The following INPP4A variants were observed in gnomAD, a reference collection of about 807,000 sequenced individuals.
INPP4A encodes inositol polyphosphate-4-phosphatase type I A, also known as inositol polyphosphate-4-phosphatase, type I, 107kD.
In INPP4A, 33 loss-of-function variants were observed where a neutral mutation model predicts 119.8. That is an observed-to-expected ratio of 0.28 (90% CI 0.21 to 0.37). The LOEUF is 0.37. Among genes scored for constraint, INPP4A ranks in the 10% least tolerant of loss-of-function variants. The pLI is 1.00. For synonymous variants in INPP4A, 496 were observed against 500.7 expected, an observed-to-expected ratio of 0.99 and a Z score of 0.12; for missense variants, 956 against 1,289.9, an observed-to-expected ratio of 0.74 and a Z score of 3.97.
chr2:98,538,809 A>G, intron 8 of INPP4A, 82 bp from the exon 9 acceptor site: 1 of 789,732 alleles, frequency 1.3e-6, no homozygotes, highest in Admixed American at 2.0e-5. Flanking sequence ...GTTATGATGT[A>G]TTTAGGCCAC....
chr2:98,517,089 C>A (rs1395414572), intron 1 of INPP4A, among the ~76,000 whole-genome samples: 1 of 152,070 alleles, frequency 6.6e-6, no homozygotes, highest in African/African-American at 2.4e-5. Context: ...GCCCTCTCAC[C>A]CTCCCCAGTC....
chr2:98,487,322 TGTGA>T (rs1432557309), intron 1 of INPP4A, among the ~76,000 whole-genome samples: 5 of 152,240 alleles, frequency 3.3e-5, no homozygotes, highest in Admixed American at 6.5e-5. Context: ...TCCTTGTGGT[TGTGA>T]GTTTCTCAGA....
chr2:98,453,957 A>G (rs1695653814), intron 1 of INPP4A, among the ~76,000 whole-genome samples: 1 of 152,150 alleles, frequency 6.6e-6, no homozygotes, highest in African/African-American at 2.4e-5. Flanking sequence ...AAATACAAAA[A>G]TTAGCTGGGT....
chr2:98,465,666 A>G (rs1674592729), intron 1 of INPP4A, among the ~76,000 whole-genome samples: 1 of 151,726 alleles, frequency 6.6e-6, no homozygotes, highest in African/African-American at 2.4e-5. Flanking sequence ...CCTCTCCCAG[A>G]CTCTGGGGTA....
chr2:98,477,432 G>T (rs911901471), intron 1 of INPP4A, among the ~76,000 whole-genome samples: 2 of 152,218 alleles, frequency 1.3e-5, no homozygotes, highest in Middle Eastern at 3.2e-3. Flanking sequence ...TTCCTGACCC[G>T]TTTCCAGATT....
chr2:98,502,430 A>C (rs1203658263), intron 1 of INPP4A, among the ~76,000 whole-genome samples: 1 of 152,082 alleles, frequency 6.6e-6, no homozygotes, highest in African/African-American at 2.4e-5. Context: ...TTTCCCAGCT[A>C]CCAAGAGTGT....
chr2:98,481,973 C>T (rs928411052), intron 1 of INPP4A, among the ~76,000 whole-genome samples: 4 of 152,208 alleles, frequency 2.6e-5, no homozygotes, highest in Non-Finnish European at 1.5e-5. Flanking sequence ...CTTAACAACT[C>T]AACACTGTGT....
intron 21 of INPP4A, among the ~76,000 whole-genome samples, chr2:98,567,894 A>G (rs1045334709): frequency 3.3e-5 from 5 of 152,190 alleles, no homozygotes; most frequent in Non-Finnish European, 7.4e-5. Flanking sequence ...CTCGGGCCAC[A>G]GAGAAGCTGA....
intron 1 of INPP4A, among the ~76,000 whole-genome samples, chr2:98,482,347 A>G (rs561852311): frequency 4.1e-4 from 62 of 152,342 alleles, no homozygotes; most frequent in Admixed American, 3.9e-3. Context: ...TATCTTGGCC[A>G]GCTGTGGTTT....
chr2:98,502,472 T>A (rs1558958512), intron 1 of INPP4A, among the ~76,000 whole-genome samples: 1 of 152,170 alleles, frequency 6.6e-6, no homozygotes, highest in Non-Finnish European at 1.5e-5. Context: ...CATAGAGATT[T>A]TAATTAGCTT....
intron 1 of INPP4A, among the ~76,000 whole-genome samples, chr2:98,477,019 TGG>T (rs1421559875): frequency 1.3e-5 from 2 of 151,210 alleles, no homozygotes; most frequent in Non-Finnish European, 2.9e-5. Context: ...TTAGCAGGAG[TGG>T]TAGTAGTAAT....
At chr2:98,455,012 C>G (rs1695874133) in intron 1 of INPP4A, among the ~76,000 whole-genome samples, 1 of 152,046 alleles carries the variant, frequency 6.6e-6, no homozygotes, top group Non-Finnish European at 1.5e-5. Context: ...TTTGACAGAA[C>G]CCAATGTTTT....
intron 1 of INPP4A, among the ~76,000 whole-genome samples, chr2:98,487,493 A>G (rs1679798213): frequency 6.6e-6 from 1 of 152,136 alleles, no homozygotes; most frequent in Admixed American, 6.5e-5. Context: ...CAGCCTCCCA[A>G]AGTGCTGGGA....
intron 1 of INPP4A, among the ~76,000 whole-genome samples, chr2:98,500,979 AG>A (rs1431680792): frequency 3.3e-5 from 5 of 152,364 alleles, no homozygotes; most frequent in African/African-American, 1.2e-4. Context: ...ATACTTAGCT[AG>A]TTTAAAATAT....
intron 23 of INPP4A, among the ~76,000 whole-genome samples, chr2:98,576,187 G>A (rs983993456): frequency 3.3e-5 from 5 of 152,164 alleles, no homozygotes; most frequent in Admixed American, 6.5e-5. Flanking sequence ...AGATTTACAT[G>A]AAAAAATTAC....
At chr2:98,502,794 G>A (rs1683369305) in intron 1 of INPP4A, among the ~76,000 whole-genome samples, 1 of 152,226 alleles carries the variant, frequency 6.6e-6, no homozygotes, top group African/African-American at 2.4e-5. Context: ...TCACCAAGGA[G>A]ACCTAGCTCA....
chr2:98,478,610 T>C (rs929202114), intron 1 of INPP4A, among the ~76,000 whole-genome samples: 2 of 152,196 alleles, frequency 1.3e-5, no homozygotes, highest in East Asian at 3.8e-4. Flanking sequence ...TGGTGATCTC[T>C]TTTGACCTTT....
chr2:98,485,168 C>T (rs1428409426), intron 1 of INPP4A, among the ~76,000 whole-genome samples: 2 of 152,218 alleles, frequency 1.3e-5, no homozygotes, highest in Admixed American at 1.3e-4. Context: ...CCTGATCATG[C>T]AGGGTCCTTG....
At chr2:98,543,370 G>T (rs1275567887) in intron 10 of INPP4A, among the ~76,000 whole-genome samples, 2 of 152,236 alleles carry the variant, frequency 1.3e-5, no homozygotes, top group Non-Finnish European at 2.9e-5. Context: ...TACCTCAGGA[G>T]AACCTGGGAG....
Sources: allele counts gnomAD v4.1 joint callset (sites outside exome capture counted in the v4.1 genomes callset), GRCh38; gene constraint gnomAD v4.1.1; transcripts MANE v1.5; gene names NCBI Gene and HGNC (gene_info 2026-07-23, HGNC 2026-07-21).